The following ABCG2 variants were observed in gnomAD, a reference collection of about 807,000 sequenced individuals.
ABCG2 encodes the protein broad substrate specificity ATP-binding cassette transporter ABCG2.
A neutral mutation model predicts 73.5 loss-of-function variants in ABCG2; 80 were observed. The observed-to-expected ratio is 1.09, with a 90% CI of 0.91 to 1.31. The LOEUF is 1.31. ABCG2 is among the 50% of genes most tolerant of loss of function. The pLI is 0.00. For missense variants in ABCG2, 796 were observed against 786.2 expected, an observed-to-expected ratio of 1.01 and a Z score of -0.15; for synonymous variants, 269 against 282.4, an observed-to-expected ratio of 0.95 and a Z score of 0.48.
chr4:88,139,977 C>A lies in ABCG2; in HGVS notation c.19G>T (p.Glu7Ter). ...CCTTGTGACACTGGGATAAAAACTT[C>A]GACATTACTGGAAGACATCTGGAGA... MSSSNVEVFIPVSQGNT... is the reference protein window; with the variant it reads MSSSNV The change falls in exon 2 of 16, where the codon GAA becomes TAA. Residue 7 changes from glutamate to a stop codon, truncating the protein, a stop_gained. Coordinates refer to ENST00000237612, the MANE Select transcript of ABCG2 (RefSeq NM_004827.3). LOFTEE classifies it high-confidence loss of function. The A allele has an allele frequency of 3.1e-6, 5 of 1,613,932 alleles. No homozygotes were observed. Among genetic ancestry groups the A allele is most frequent in the Non-Finnish European group, 4.2e-6 (5 of 1,179,978 alleles).
chr4:88,230,765 A>G (rs530151557), intron 1 of ABCG2, among the ~76,000 whole-genome samples: 1 of 152,218 alleles, frequency 6.6e-6, no homozygotes, highest in South Asian at 2.1e-4. Context: ...TTTTTACTCA[A>G]AGTGTGGTCC....
At chr4:88,118,900 G>A (rs1723773886) in intron 6 of ABCG2, among the ~76,000 whole-genome samples, 2 of 152,150 alleles carry the variant, frequency 1.3e-5, no homozygotes, top group African/African-American at 4.8e-5. Context: ...ATCACAGTTA[G>A]TAAGAGGCAA....
chr4:88,095,691 A>T lies in ABCG2; in HGVS notation c.1648-82T>A. On this transcript the variant is annotated intron_variant, in intron 13 of 15. Transcript: ENST00000237612. ...TAGAGAATACCCTCTTCAAGTCCCT[A>T]CCACTTTGTAAGTATTTCTTTTAAA... The T allele has an allele frequency of 1.8e-6, 2 of 1,081,632 alleles. 1 individual carries two copies. Among genetic ancestry groups the T allele is most frequent in the South Asian group, 2.7e-5 (2 of 74,660 alleles). The allele number at this position is 1,081,632 out of a possible 1,614,324, so 67.0% of individuals were successfully genotyped here. A position where few individuals can be genotyped will look rare whatever the true frequency, so the allele number is the denominator to read the frequency against.
Position 88,141,308 on chromosome 4 carries a change from C to T in ABCG2, c.-19-1294G>A, listed in dbSNP as rs773192171. On this transcript the variant is annotated intron_variant, in intron 1 of 15. Transcript: ENST00000237612. ...GCACTGAAACAAACTCTGCATTCCGCGTGCCCTTTCCTCTTAAGGTGGGTA... is the reference window on the plus strand; with the variant it reads ...GCACTGAAACAAACTCTGCATTCCGTGTGCCCTTTCCTCTTAAGGTGGGTA... 1.3e-4 allele frequency among the ~76,000 whole-genome samples: 20 copies of T among 152,260 alleles called. 1 individual carries two copies. The highest frequency in any genetic ancestry group is 9.8e-4 in the Admixed American group (15 of 15,284).
At chr4:88,177,056 G>T (rs772668276) in intron 1 of ABCG2, among the ~76,000 whole-genome samples, 14 of 152,076 alleles carry the variant, frequency 9.2e-5, no homozygotes, top group Non-Finnish European at 1.8e-4. Flanking sequence ...CAAAAAGACT[G>T]GTAACACATT....
intron 1 of ABCG2, among the ~76,000 whole-genome samples, chr4:88,222,670 T>C (rs1730056408): frequency 6.6e-6 from 1 of 152,200 alleles, no homozygotes; most frequent in African/African-American, 2.4e-5. Context: ...AATGGACTAA[T>C]ACAGGCAGCA....
chr4:88,099,270 T>A (rs1384157344), intron 12 of ABCG2, 54 bp downstream of exon 12: 1 of 1,468,494 alleles, frequency 6.8e-7, no homozygotes, highest in Non-Finnish European at 9.0e-7. Context: ...GCAACTGACT[T>A]CACCCATAGG....
chr4:88,140,139 G>C lies in ABCG2; in HGVS notation c.-19-125C>G. On this transcript the variant is annotated intron_variant, in intron 1 of 15. Transcript: ENST00000237612. ...GGCAATGAGCAGCTTCATTTCCAATGAATGGCCCATACCATTGTGATAAGA... is the reference window on the plus strand; with the variant it reads ...GGCAATGAGCAGCTTCATTTCCAATCAATGGCCCATACCATTGTGATAAGA... 5.2e-6 allele frequency: 4 copies of C among 772,776 alleles called. No individual in the cohort carries two copies. The South Asian group carries it at 7.4e-5, about 14-fold the overall frequency. 47.9% of individuals were successfully genotyped at this position (772,776 alleles called of 1,614,324 possible).
At chr4:88,146,683 C>A (rs1453786307) in intron 1 of ABCG2, among the ~76,000 whole-genome samples, 1 of 152,038 alleles carries the variant, frequency 6.6e-6, no homozygotes, top group African/African-American at 2.4e-5. Flanking sequence ...CATGAGTCAC[C>A]GTGCTTGGCT....
intron 1 of ABCG2, among the ~76,000 whole-genome samples, chr4:88,180,117 A>T (rs1728173349): frequency 6.6e-6 from 1 of 152,160 alleles, no homozygotes; most frequent in African/African-American, 2.4e-5. Context: ...CCCAAATAAG[A>T]TTACCTCAAG....
chr4:88,228,762 C>T (rs565036254), intron 1 of ABCG2, among the ~76,000 whole-genome samples: 10 of 152,060 alleles, frequency 6.6e-5, no homozygotes, highest in African/African-American at 2.4e-4. Context: ...ATTGTAAATG[C>T]ACCAATCAGC....
intron 1 of ABCG2, among the ~76,000 whole-genome samples, chr4:88,153,857 G>C (rs1726726325): frequency 6.6e-6 from 1 of 152,148 alleles, no homozygotes; most frequent in Non-Finnish European, 1.5e-5. Context: ...GGGAAGGGAG[G>C]GGGCATGAGA....
intron 1 of ABCG2, among the ~76,000 whole-genome samples, chr4:88,222,900 C>T (rs1050801279): frequency 6.6e-6 from 1 of 152,164 alleles, no homozygotes; most frequent in African/African-American, 2.4e-5. Flanking sequence ...GGAAGAGCTG[C>T]CCAAGGCCAT....
intron 1 of ABCG2, among the ~76,000 whole-genome samples, chr4:88,211,558 C>G (rs747944857): frequency 7.2e-5 from 11 of 151,942 alleles, no homozygotes; most frequent in Admixed American, 7.2e-4. Context: ...CTGGGACTAC[C>G]GGAGTACACC....
chr4:88,103,168 C>T (rs1445327851), intron 10 of ABCG2, among the ~76,000 whole-genome samples: 1 of 152,138 alleles, frequency 6.6e-6, no homozygotes, highest in African/African-American at 2.4e-5. Context: ...TTTCTGTACA[C>T]AAATAAACCT....
chr4:88,189,620 T>C (rs1728602727), intron 1 of ABCG2, among the ~76,000 whole-genome samples: 2 of 152,216 alleles, frequency 1.3e-5, no homozygotes, highest in Non-Finnish European at 2.9e-5. Context: ...TGAATTTATT[T>C]AGTGGCTCTA....
chr4:88,121,813 T>C (rs781353452), intron 5 of ABCG2, 21 bp from the exon 6 acceptor site: 16 of 1,608,884 alleles, frequency 9.9e-6, no homozygotes, highest in African/African-American at 2.7e-5. Flanking sequence ...AATATTATAA[T>C]TGTCAATGAT....
intron 1 of ABCG2, among the ~76,000 whole-genome samples, chr4:88,186,653 C>T (rs1728466262): frequency 6.6e-6 from 1 of 151,872 alleles, no homozygotes; most frequent in Non-Finnish European, 1.5e-5. Flanking sequence ...GGCGCGGTGG[C>T]TCACGCCTGT....
At chr4:88,201,468 G>A (rs1729161454) in intron 1 of ABCG2, among the ~76,000 whole-genome samples, 1 of 152,098 alleles carries the variant, frequency 6.6e-6, no homozygotes, top group African/African-American at 2.4e-5. Context: ...AAAGACCCAG[G>A]ATTATTTTAA....
Sources: gnomAD v4.1 joint callset for allele counts (sites outside exome capture counted in the v4.1 genomes callset) on GRCh38, gnomAD v4.1.1 for gene constraint, MANE v1.5 for transcripts, NCBI Gene and HGNC (gene_info 2026-07-23, HGNC 2026-07-21) for gene names.